Variants in SGCZ observed in about 807,000 individuals in gnomAD.
The protein encoded by SGCZ is sarcoglycan zeta, also known as zeta-sarcoglycan.
A neutral mutation model predicts 41.3 loss-of-function variants in SGCZ; 40 were observed. The observed-to-expected ratio is 0.97, with a 90% confidence interval of 0.75 to 1.26. The LOEUF (loss-of-function observed/expected upper bound fraction) is 1.26, where lower values mean the gene tolerates loss of function less well. Ranked by LOEUF, SGCZ falls within the 50% of genes most tolerant of loss-of-function variation. The probability of loss-of-function intolerance (pLI) is 0.00; values close to 1 mark genes in which losing one functional copy is unlikely to be tolerated. For missense variants in SGCZ, 552 were observed against 369.8 expected (o/e 1.49, Z -4.04); for synonymous variants, 206 against 137.5 (o/e 1.50, Z -3.49).
intron 1 of SGCZ, among the ~76,000 whole-genome samples, chr8:14,676,131 G>T (rs938243262): frequency 2.0e-5 from 3 of 152,172 alleles, no homozygotes; most frequent in Admixed American, 6.5e-5. Flanking sequence ...CTACCAGAAA[G>T]AATAAAGACC....
At chr8:14,604,438 G>A (rs1345079420) in intron 1 of SGCZ, among the ~76,000 whole-genome samples, 4 of 151,906 alleles carry the variant, frequency 2.6e-5, no homozygotes, top group Non-Finnish European at 5.9e-5. Flanking sequence ...TTTTATCTGT[G>A]CACTAGAGCT....
intron 1 of SGCZ, among the ~76,000 whole-genome samples, chr8:14,653,174 C>A (rs986301735): frequency 3.5e-4 from 53 of 151,828 alleles, no homozygotes; most frequent in Non-Finnish European, 8.8e-5. Flanking sequence ...TTTTTAATCT[C>A]CTTTGCACTA....
chr8:14,467,745 TG>T lies in SGCZ; in HGVS notation c.234+86986del, dbSNP rs373576081. ...TTCCATCTTTCCAGAATCCTCCTCA[TG>T]TGCTTGCTTATGACATATAACACTC... On this transcript the variant is annotated intron_variant, in intron 2 of 7. Transcript: ENST00000382080. Among the ~76,000 whole-genome samples the T allele has an allele frequency of 5.2e-3, 793 of 152,156 alleles. 5 individuals are homozygous for T. Among genetic ancestry groups the T allele is most frequent in the African/African-American group, 0.018 (738 of 41,530 alleles).
chr8:14,208,579 C>T (rs1473831395), intron 4 of SGCZ, among the ~76,000 whole-genome samples: 1 of 152,010 alleles, frequency 6.6e-6, no homozygotes, highest in Non-Finnish European at 1.5e-5. Context: ...GTTTATGAAA[C>T]AAACTCAATA....
intron 1 of SGCZ, among the ~76,000 whole-genome samples, chr8:14,625,989 G>T (rs908791929): frequency 1.3e-5 from 2 of 152,098 alleles, no homozygotes; most frequent in Non-Finnish European, 2.9e-5. Context: ...AACTCCATTT[G>T]CAAAGAAAAA....
At chr8:14,451,494 G>A (rs528172604) in intron 2 of SGCZ, among the ~76,000 whole-genome samples, 4 of 152,170 alleles carry the variant, frequency 2.6e-5, no homozygotes, top group South Asian at 2.1e-4. Context: ...ATGTGGAACC[G>A]AATAATGATG....
intron 2 of SGCZ, among the ~76,000 whole-genome samples, chr8:14,447,399 C>A (rs1563335444): frequency 6.6e-6 from 1 of 151,982 alleles, no homozygotes; most frequent in Non-Finnish European, 1.5e-5. Flanking sequence ...CTTAATCTTT[C>A]CAAACATCTA....
chr8:14,141,363 C>T (rs1261349317), intron 5 of SGCZ, among the ~76,000 whole-genome samples: 1 of 152,128 alleles, frequency 6.6e-6, no homozygotes, highest in Admixed American at 6.5e-5. Flanking sequence ...AAGAAACTAC[C>T]ATCAGAGTGA....
At chr8:15,192,211 A>T (rs545608229) in intron 1 of SGCZ, among the ~76,000 whole-genome samples, 29 of 150,602 alleles carry the variant, frequency 1.9e-4, no homozygotes, top group Non-Finnish European at 4.0e-4. Context: ...CTGTGTAGAT[A>T]GTTGCCCTGG....
chr8:14,615,717 T>A (rs969425202), intron 1 of SGCZ, among the ~76,000 whole-genome samples: 1 of 152,170 alleles, frequency 6.6e-6, no homozygotes, highest in African/African-American at 2.4e-5. Context: ...GCAATAGTTA[T>A]AACAAGCTTG....
intron 1 of SGCZ, among the ~76,000 whole-genome samples, chr8:14,775,586 ATAT>A (rs908500414): frequency 2.2e-4 from 33 of 152,234 alleles, no homozygotes; most frequent in African/African-American, 7.9e-4. Context: ...ATTAATAAAA[ATAT>A]TATCAAACAA....
chr8:14,264,986 CACAAAAAA>C (rs1420245899), intron 3 of SGCZ, among the ~76,000 whole-genome samples: 12 of 151,920 alleles, frequency 7.9e-5, no homozygotes, highest in African/African-American at 7.3e-5. Context: ...CAAACAAAAA[CACAAAAAA>C]ACAAAAAAAC....
chr8:14,381,136 C>T (rs117566865), intron 2 of SGCZ, among the ~76,000 whole-genome samples: 5 of 151,996 alleles, frequency 3.3e-5, no homozygotes, highest in Admixed American at 6.6e-5. Context: ...TTTGAACCAG[C>T]CTAAAGATAC....
chr8:14,136,940 C>T (rs962859021), intron 5 of SGCZ, among the ~76,000 whole-genome samples: 3 of 152,136 alleles, frequency 2.0e-5, no homozygotes, highest in Non-Finnish European at 2.9e-5. Flanking sequence ...CCCTCTGAGA[C>T]GAAGCTTACA....
intron 1 of SGCZ, among the ~76,000 whole-genome samples, chr8:14,585,810 T>C (rs796463043): frequency 2.0e-5 from 3 of 152,324 alleles, no homozygotes; most frequent in African/African-American, 7.2e-5. Context: ...AAAGTTCATG[T>C]GATTGTCAAT....
chr8:14,857,884 G>C (rs1469009399), intron 1 of SGCZ, among the ~76,000 whole-genome samples: 1 of 151,918 alleles, frequency 6.6e-6, no homozygotes, highest in Non-Finnish European at 1.5e-5. Flanking sequence ...GAAAAGGAAA[G>C]AAAAGAAAAC....
At chr8:14,309,426 G>A in intron 3 of SGCZ, 5 of 1,606,674 alleles carry the variant, frequency 3.1e-6, no homozygotes, top group South Asian at 2.2e-5. Context: ...ACACTTCTGT[G>A]CCTTATTGGA....
At chr8:14,752,132 C>CAAAA (rs56243371) in intron 1 of SGCZ, among the ~76,000 whole-genome samples, 16,011 of 116,834 alleles carry the variant, frequency 0.14, 1,327 homozygotes, top group Admixed American at 0.24. Flanking sequence ...ACAAAAAAGC[C>CAAAA]AAAAAAAAAA....
chr8:14,702,860 GATAGATAGATAGATAGA>G (rs1563213137), intron 1 of SGCZ, among the ~76,000 whole-genome samples: 2 of 139,348 alleles, frequency 1.4e-5, no homozygotes, highest in Non-Finnish European at 3.2e-5. Flanking sequence ...TAGATAGATA[GATAGATAGATAGATAGA>G]TAGATAAAAA....
Sources: allele counts gnomAD v4.1 joint callset (sites outside exome capture counted in the v4.1 genomes callset), GRCh38; gene constraint gnomAD v4.1.1; transcripts MANE v1.5; gene names NCBI Gene and HGNC (gene_info 2026-07-23, HGNC 2026-07-21).